Variants in ROBO2 observed in about 807,000 individuals in gnomAD.
The protein encoded by ROBO2 is roundabout guidance receptor 2.
In ROBO2, 53 loss-of-function variants were observed where a neutral mutation model predicts 160.8. The ratio of observed to expected loss-of-function variants is 0.33; its 90% CI spans 0.26 to 0.41. The LOEUF is 0.41. Among genes scored for constraint, ROBO2 ranks in the 10% least tolerant of loss-of-function variants. The pLI is 1.00. For missense variants in ROBO2, 1,577 were observed against 1,722.4 expected, an observed-to-expected ratio of 0.92 and a Z score of 1.49; for synonymous variants, 664 against 611.7, an observed-to-expected ratio of 1.09 and a Z score of -1.26.
chr3:77,226,725 C>T (rs1435365184), intron 2 of ROBO2, among the ~76,000 whole-genome samples: 2 of 152,078 alleles, frequency 1.3e-5, no homozygotes, highest in Non-Finnish European at 2.9e-5. Context: ...TAAACATGCT[C>T]AGAACACTTC....
intron 2 of ROBO2, among the ~76,000 whole-genome samples, chr3:76,803,290 T>G (rs780250447): frequency 6.6e-6 from 1 of 152,120 alleles, no homozygotes; most frequent in East Asian, 1.9e-4. Flanking sequence ...AGGAGATTCC[T>G]CTGGATAGCA....
chr3:76,444,898 A>G (rs2077095375), intron 2 of ROBO2, among the ~76,000 whole-genome samples: 1 of 152,186 alleles, frequency 6.6e-6, no homozygotes, highest in Non-Finnish European at 1.5e-5. Context: ...ACATTTCTAA[A>G]GGTTTTATGC....
intron 2 of ROBO2, among the ~76,000 whole-genome samples, chr3:77,146,668 G>A (rs529115985): frequency 6.6e-6 from 1 of 151,848 alleles, no homozygotes; most frequent in Non-Finnish European, 1.5e-5. Context: ...GCGTACAGGT[G>A]TAAAAAGGCC....
In ROBO2 at chr3:77,189,155, C is replaced by T. The variant is rs886512696; in HGVS notation, c.388+90815C>T. On this transcript the variant is annotated intron_variant, in intron 2 of 25. Transcript: ENST00000461745. Reference sequence around the variant, plus strand: ...CAGATTATCACAGTGATTTGGCCCCCGATGAAATTTCTGAGAATTTTATAC... The same window carrying T: ...CAGATTATCACAGTGATTTGGCCCCTGATGAAATTTCTGAGAATTTTATAC... Among the ~76,000 whole-genome samples, 6 of 151,850 alleles carry T rather than the reference C, an allele frequency of 4.0e-5. No individual in the cohort carries two copies. The South Asian group carries it at 8.3e-4, about 21-fold the overall frequency.
At chr3:76,065,013 G>T (rs1460745327) in intron 2 of ROBO2, among the ~76,000 whole-genome samples, 1 of 151,918 alleles carries the variant, frequency 6.6e-6, no homozygotes, top group East Asian at 1.9e-4. Context: ...ATTCCAGATT[G>T]TTGTTATATT....
At chr3:76,492,349 C>T (rs547476821) in intron 2 of ROBO2, among the ~76,000 whole-genome samples, 1 of 152,192 alleles carries the variant, frequency 6.6e-6, no homozygotes, top group South Asian at 2.1e-4. Flanking sequence ...AGATACGAGA[C>T]ATGACCTGTT....
At chr3:76,622,070 C>G (rs1465676526) in intron 2 of ROBO2, among the ~76,000 whole-genome samples, 1 of 130,534 alleles carries the variant, frequency 7.7e-6, no homozygotes, top group Non-Finnish European at 1.7e-5. Flanking sequence ...AAGATCTATT[C>G]TTGTGGCTCA....
intron 2 of ROBO2, among the ~76,000 whole-genome samples, chr3:76,271,364 A>G (rs1273692433): frequency 2.0e-5 from 3 of 151,874 alleles, no homozygotes; most frequent in Non-Finnish European, 2.9e-5. Context: ...TCCACATTGT[A>G]GTAAGACTTA....
chr3:76,907,855 T>TGTGTGTGTGTGTGTGTGTG (rs2075715904), intron 2 of ROBO2, among the ~76,000 whole-genome samples: 1 of 150,608 alleles, frequency 6.6e-6, no homozygotes, highest in East Asian at 2.0e-4. Flanking sequence ...TGTGTGTGTG[T>TGTGTGTGTGTGTGTGTGTG]TTGAGATGGA....
In ROBO2 at chr3:77,056,851, A is replaced by G. The variant is rs1270476693; in HGVS notation, c.61+16005A>G. Among the ~76,000 whole-genome samples, 9 of 152,332 alleles carry G rather than the reference A, an allele frequency of 5.9e-5. No individual in the cohort carries two copies. In the South Asian group the frequency reaches 1.5e-3, roughly 25 times the overall value. ...CACATATACACAGATGAATATATAC[A>G]TGTCACACATATACAAACATATGTC... On this transcript the variant is annotated intron_variant, in intron 1 of 25. Transcript: ENST00000461745.
At chr3:76,072,380 A>C (rs1440716945) in intron 2 of ROBO2, among the ~76,000 whole-genome samples, 1 of 152,192 alleles carries the variant, frequency 6.6e-6, no homozygotes, top group Non-Finnish European at 1.5e-5. Context: ...AAATGTTTCA[A>C]AAAGTAGCCA....
chr3:76,460,088 T>A (rs1479248618), intron 2 of ROBO2, among the ~76,000 whole-genome samples: 1 of 152,118 alleles, frequency 6.6e-6, no homozygotes, highest in Admixed American at 6.5e-5. Context: ...TTCTGGGGCC[T>A]TATGTTTATG....
chr3:76,034,944 CT>C (rs1478261604), intron 2 of ROBO2, among the ~76,000 whole-genome samples: 1 of 152,048 alleles, frequency 6.6e-6, no homozygotes, highest in African/African-American at 2.4e-5. Context: ...TCTCTGATTT[CT>C]TTTACTCTCC....
chr3:76,128,791 G>C lies in ROBO2; in HGVS notation c.109+191189G>C, dbSNP rs150873704. Among the ~76,000 whole-genome samples, 377 of 152,114 alleles carry C rather than the reference G, an allele frequency of 2.5e-3. 1 individual carries two copies. The highest frequency in any genetic ancestry group is 7.5e-3 in the African/African-American group (313 of 41,514). On this transcript the variant is annotated intron_variant, in intron 2 of 26. Transcript: ENST00000487694. Reference sequence around the variant, plus strand: ...TTTCTTATACTGTATTTTTAAAAAAGATTTAATAACATTCATTTAATGCCT... The same window carrying C: ...TTTCTTATACTGTATTTTTAAAAAACATTTAATAACATTCATTTAATGCCT...
At chr3:76,518,345 T>A (rs2107839971) in intron 2 of ROBO2, among the ~76,000 whole-genome samples, 1 of 152,164 alleles carries the variant, frequency 6.6e-6, no homozygotes, top group East Asian at 1.9e-4. Flanking sequence ...AGGTATGATG[T>A]TTTGGGGGTA....
exon 20 of ROBO2, chr3:77,602,326 A>G: frequency 6.2e-7 from 1 of 1,614,152 alleles, no homozygotes; most frequent in Non-Finnish European, 8.5e-7. Flanking sequence ...TTCCAGCCAA[A>G]TAACACAGGC....
At chr3:77,266,696 C>T (rs1216727115) in intron 2 of ROBO2, among the ~76,000 whole-genome samples, 2 of 152,016 alleles carry the variant, frequency 1.3e-5, no homozygotes, top group African/African-American at 4.8e-5. Flanking sequence ...TTGGGCAAAT[C>T]CTTTAATCTT....
In ROBO2 at chr3:77,640,097, A is replaced by ATTTTTTTTTTT. The variant is rs71104695; in HGVS notation, c.3935-4585_3935-4575dup. Among the ~76,000 whole-genome samples the ATTTTTTTTTTT allele has an allele frequency of 2.7e-3, 179 of 65,490 alleles. 22 individuals are homozygous for ATTTTTTTTTTT. Among genetic ancestry groups the ATTTTTTTTTTT allele is most frequent in the East Asian group, 5.6e-3 (11 of 1,956 alleles). The allele number at this position is 65,490 out of a possible 152,430, so 43.0% of individuals were successfully genotyped here. Reference sequence around the variant, plus strand: ...AGAGAAGAAACACTGCAGAGGAAGCATTTTTTTTTTTTTTTTTTTTTTTTT... The same window carrying ATTTTTTTTTTT: ...AGAGAAGAAACACTGCAGAGGAAGCATTTTTTTTTTTTTTTTTTTTTTTTTTTTTTTTTTTT... On this transcript the variant is annotated intron_variant, in intron 24 of 25. Transcript: ENST00000461745.
intron 2 of ROBO2, among the ~76,000 whole-genome samples, chr3:77,301,859 A>G (rs1171007387): frequency 2.0e-5 from 3 of 149,416 alleles, no homozygotes; most frequent in Non-Finnish European, 4.4e-5. Flanking sequence ...AAATTACTTG[A>G]CCTTGCTGAG....
Sources: gnomAD v4.1 joint callset for allele counts (sites outside exome capture counted in the v4.1 genomes callset) on GRCh38, gnomAD v4.1.1 for gene constraint, MANE v1.5 for transcripts, NCBI Gene and HGNC (gene_info 2026-07-23, HGNC 2026-07-21) for gene names.